The following AGBL1 variants were observed in gnomAD, a reference collection of about 807,000 sequenced individuals.
AGBL1 encodes the protein cytosolic carboxypeptidase 4.
Under a neutral mutation model 118.9 loss-of-function variants are expected in AGBL1, and 130 were observed. That is an observed-to-expected ratio of 1.09 (90% CI 0.95 to 1.26). The LOEUF is 1.26. Ranked by LOEUF, AGBL1 falls within the 50% of genes most tolerant of loss-of-function variation. The pLI, the probability that AGBL1 is intolerant of heterozygous loss-of-function variation, is 0.00. For missense variants in AGBL1, 1,584 were observed against 1,298.1 expected, an observed-to-expected ratio of 1.22 and a Z score of -3.38; for synonymous variants, 555 against 478.9, an observed-to-expected ratio of 1.16 and a Z score of -2.08.
chr15:86,324,357 G>A (rs2080151706), intron 17 of AGBL1, among the ~76,000 whole-genome samples: 1 of 152,166 alleles, frequency 6.6e-6, no homozygotes, highest in Non-Finnish European at 1.5e-5. Context: ...CAGCACTAAG[G>A]GATGGAAGCT....
intron 18 of AGBL1, among the ~76,000 whole-genome samples, chr15:86,474,965 G>T (rs954985951): frequency 6.6e-6 from 1 of 152,236 alleles, no homozygotes; most frequent in East Asian, 1.9e-4. Context: ...AGGCAAAAGG[G>T]TCTGGAGTGG....
At chr15:86,464,582 T>A (rs2082376206) in intron 18 of AGBL1, among the ~76,000 whole-genome samples, 2 of 152,202 alleles carry the variant, frequency 1.3e-5, no homozygotes, top group Admixed American at 1.3e-4. Context: ...GGGTTTGTCA[T>A]AAATAGCTCT....
intron 21 of AGBL1, among the ~76,000 whole-genome samples, chr15:86,626,356 A>G (rs2084887083): frequency 1.3e-5 from 2 of 152,206 alleles, no homozygotes; most frequent in African/African-American, 4.8e-5. Context: ...TGTCCTTTGC[A>G]GGAACATGGA....
chr15:86,804,969 A>G (rs1273383308), intron 22 of AGBL1, among the ~76,000 whole-genome samples: 1 of 152,146 alleles, frequency 6.6e-6, no homozygotes, highest in East Asian at 1.9e-4. Context: ...GATGCTGTTT[A>G]GACAGAGCCA....
chr15:86,616,066 T>C (rs995608346), intron 21 of AGBL1, among the ~76,000 whole-genome samples: 1 of 152,000 alleles, frequency 6.6e-6, no homozygotes, highest in Non-Finnish European at 1.5e-5. Flanking sequence ...GCCAGGAGTA[T>C]TGGCTCACCC....
At chr15:86,106,495 C>T (rs1362269877) in intron 1 of AGBL1, among the ~76,000 whole-genome samples, 1 of 152,168 alleles carries the variant, frequency 6.6e-6, no homozygotes, top group Non-Finnish European at 1.5e-5. Flanking sequence ...GCAATTTTGC[C>T]CCCAGGGGAT....
intron 18 of AGBL1, among the ~76,000 whole-genome samples, chr15:86,418,028 A>G (rs1324019678): frequency 6.6e-6 from 1 of 152,184 alleles, no homozygotes; most frequent in Non-Finnish European, 1.5e-5. Context: ...CAAGTCTTGA[A>G]TCACACTTAT....
At chr15:86,813,248 G>A (rs963588455) in intron 22 of AGBL1, among the ~76,000 whole-genome samples, 1 of 152,142 alleles carries the variant, frequency 6.6e-6, no homozygotes, top group South Asian at 2.1e-4. Flanking sequence ...GTAGGGGTCA[G>A]TCCAAAGGGC....
At chr15:86,330,038 G>A (rs1251689500) in intron 17 of AGBL1, among the ~76,000 whole-genome samples, 3 of 152,206 alleles carry the variant, frequency 2.0e-5, no homozygotes, top group Non-Finnish European at 2.9e-5. Flanking sequence ...GTGGCTGCTC[G>A]TTGGATTCTC....
chr15:86,848,501 C>T (rs2079351391), intron 22 of AGBL1, among the ~76,000 whole-genome samples: 1 of 152,166 alleles, frequency 6.6e-6, no homozygotes, highest in Admixed American at 6.5e-5. Flanking sequence ...ATCCCTTCAT[C>T]ATCTTGATCC....
intron 18 of AGBL1, among the ~76,000 whole-genome samples, chr15:86,479,492 C>T (rs2082616917): frequency 6.6e-6 from 1 of 152,208 alleles, no homozygotes; most frequent in South Asian, 2.1e-4. Context: ...CTCATCATCA[C>T]TGGCCATCAG....
At chr15:86,579,037 G>T (rs1434102303) in intron 21 of AGBL1, among the ~76,000 whole-genome samples, 2 of 152,052 alleles carry the variant, frequency 1.3e-5, no homozygotes, top group Admixed American at 6.5e-5. Context: ...CCAGCCTAGG[G>T]TATAACAAAA....
At chr15:86,765,272 T>A (rs2078079880) in intron 22 of AGBL1, among the ~76,000 whole-genome samples, 1 of 151,934 alleles carries the variant, frequency 6.6e-6, no homozygotes. Context: ...TTCCAACAAA[T>A]AATCATTGTG....
At chr15:86,920,217 G>A (rs1410583839), downstream of AGBL1, among the ~76,000 whole-genome samples, 1 of 152,146 alleles carries the variant, frequency 6.6e-6, no homozygotes, top group African/African-American at 2.4e-5. Context: ...TGTGGTAGTA[G>A]GCACTGAGCT....
intron 22 of AGBL1, among the ~76,000 whole-genome samples, chr15:86,723,051 T>TTTACA (rs2086753763): frequency 6.6e-6 from 1 of 152,212 alleles, no homozygotes; most frequent in Non-Finnish European, 1.5e-5. Flanking sequence ...TTTACACTGT[T>TTTACA]GGTGGGACTG....
intron 22 of AGBL1, among the ~76,000 whole-genome samples, chr15:86,881,984 A>T (rs2079898904): frequency 6.6e-6 from 1 of 152,190 alleles, no homozygotes; most frequent in South Asian, 2.1e-4. Context: ...AACACTGGGG[A>T]TTATAACTGA....
intron 22 of AGBL1, among the ~76,000 whole-genome samples, chr15:86,890,207 T>G (rs192653754): frequency 3.6e-4 from 55 of 152,322 alleles, no homozygotes; most frequent in African/African-American, 1.3e-3. Context: ...TTTTGAGAAG[T>G]GTCTGTTCAT....
chr15:86,476,988 A>G (rs2082569493), intron 18 of AGBL1, among the ~76,000 whole-genome samples: 1 of 152,248 alleles, frequency 6.6e-6, no homozygotes. Context: ...ACTACTGGTT[A>G]CATAATGAAA....
rs139186421 is a variant in AGBL1, at chr15:86,336,243, A to G, written c.2374+40835A>G. 2.1e-3 allele frequency among the ~76,000 whole-genome samples: 318 copies of G among 152,346 alleles called. 2 individuals are homozygous for G. The highest frequency in any genetic ancestry group is 5.3e-3 in the African/African-American group (221 of 41,588). ...ATGTCTCAAACCACAGATTCTTGCT[A>G]CATCTGCTCCAGGCTGTGACTTACA... On this transcript the variant is annotated intron_variant, in intron 17 of 22. Coordinates refer to ENST00000614907, the MANE Select transcript of AGBL1 (RefSeq NM_001386094.1).
Sources: allele counts gnomAD v4.1 joint callset (sites outside exome capture counted in the v4.1 genomes callset), GRCh38; gene constraint gnomAD v4.1.1; transcripts MANE v1.5; gene names NCBI Gene and HGNC (gene_info 2026-07-23, HGNC 2026-07-21).